The following TBK1 variants were observed in gnomAD, a reference collection of about 807,000 sequenced individuals.
TBK1 encodes the protein TANK binding kinase 1, also known as serine/threonine-protein kinase TBK1.
Under a neutral mutation model 99.9 loss-of-function variants are expected in TBK1, and 37 were observed. That is an observed-to-expected ratio of 0.37 (90% confidence interval 0.28 to 0.49). The LOEUF (loss-of-function observed/expected upper bound fraction) is 0.49. Among genes scored for constraint, TBK1 ranks in the 20% least tolerant of loss-of-function variants. The pLI, the probability that TBK1 is intolerant of heterozygous loss-of-function variation, is 0.98. For missense variants in TBK1, 644 were observed against 872.5 expected, an observed-to-expected ratio of 0.74 and a Z score of 3.30; for synonymous variants, 258 against 279.8, an observed-to-expected ratio of 0.92 and a Z score of 0.78.
At chr12:64,465,250 A>AAAAAC (rs2040590534) in intron 4 of TBK1, among the ~76,000 whole-genome samples, 1 of 150,664 alleles carries the variant, frequency 6.6e-6, no homozygotes, top group African/African-American at 2.4e-5. Context: ...CTCAAAAAAA[A>AAAAAC]AAAAAAAAAA....
intron 5 of TBK1, among the ~76,000 whole-genome samples, chr12:64,473,600 T>G (rs2040682171): frequency 6.6e-6 from 1 of 152,098 alleles, no homozygotes; most frequent in South Asian, 2.1e-4. Context: ...ATAGGTGCAG[T>G]TCCATTGTGA....
intron 3 of TBK1, among the ~76,000 whole-genome samples, chr12:64,461,246 T>G (rs2040545949): frequency 1.3e-5 from 2 of 152,002 alleles, no homozygotes; most frequent in African/African-American, 4.8e-5. Flanking sequence ...ATTTCATGAA[T>G]AAAAATTTCA....
chr12:64,500,124 G>GT (rs1488489434), intron 20 of TBK1, among the ~76,000 whole-genome samples: 1 of 152,086 alleles, frequency 6.6e-6, no homozygotes, highest in African/African-American at 2.4e-5. Flanking sequence ...CAATATATAG[G>GT]TGATATAACA....
chr12:64,488,386 G>A (rs1328244584), intron 11 of TBK1, 101 bp from the exon 12 acceptor site: 2 of 587,508 alleles, frequency 3.4e-6, no homozygotes, highest in East Asian at 6.6e-5. Flanking sequence ...CATGAATATT[G>A]TTATAAAATG....
chr12:64,456,077 T>C (rs1257060633), intron 2 of TBK1, 120 bp downstream of exon 2: 1 of 763,780 alleles, frequency 1.3e-6, no homozygotes, highest in South Asian at 1.9e-5. Context: ...AGAAATTGTT[T>C]TAATGATTTT....
In TBK1 at chr12:64,484,330, T is replaced by G; in HGVS notation, c.1020T>G (p.Tyr340Ter). 6.2e-7 allele frequency: 1 copy of G among 1,613,234 alleles called. No individual in the cohort carries two copies. The highest frequency in any genetic ancestry group is 2.2e-5 in the East Asian group (1 of 44,864). The change falls in exon 9 of 21, where the codon TAT (tyrosine) becomes TAG (stop). Residue 340 changes from tyrosine to a stop codon, truncating the protein, a stop_gained. Coordinates refer to ENST00000331710, the MANE Select transcript of TBK1 (RefSeq NM_013254.4). LOFTEE classifies it high-confidence loss of function. ...NTATIFHELVYKQTKIISSNQ... is the reference protein window; with the variant it reads ...NTATIFHELV Reference sequence around the variant, plus strand: ...CTACTATATTTCATGAACTGGTATATAAACAAACCAAAATTATTTCTTCAA... The same window carrying G: ...CTACTATATTTCATGAACTGGTATAGAAACAAACCAAAATTATTTCTTCAA...
At chr12:64,489,068 TTGGTAAGAAG>T (rs554334609) in intron 12 of TBK1, among the ~76,000 whole-genome samples, 11 of 152,332 alleles carry the variant, frequency 7.2e-5, no homozygotes, top group African/African-American at 2.2e-4. Flanking sequence ...GCCAGTTTTC[TTGGTAAGAAG>T]TGAACACCAT....
intron 5 of TBK1, among the ~76,000 whole-genome samples, chr12:64,473,237 C>T (rs1361075936): frequency 6.6e-6 from 1 of 152,134 alleles, no homozygotes; most frequent in Non-Finnish European, 1.5e-5. Context: ...ATCTGAAGCT[C>T]AGGGCCCAAG....
chr12:64,460,140 C>G (rs888871061), intron 2 of TBK1, 49 bp from the exon 3 acceptor site: 1 of 1,287,790 alleles, frequency 7.8e-7, no homozygotes, highest in African/African-American at 1.5e-5. Context: ...CTTTTAATCT[C>G]TTTTACAATA....
chr12:64,478,196 G>A (rs755139130), intron 6 of TBK1, among the ~76,000 whole-genome samples: 6 of 152,124 alleles, frequency 3.9e-5, no homozygotes, highest in Admixed American at 1.3e-4. Context: ...TGTTGCCCAT[G>A]CAGGAGTGCG....
chr12:64,476,881 A>T (rs1565817922), intron 6 of TBK1, among the ~76,000 whole-genome samples: 1 of 152,138 alleles, frequency 6.6e-6, no homozygotes, highest in African/African-American at 2.4e-5. Context: ...TTTATTCTGC[A>T]TATGGTTAGC....
intron 4 of TBK1, among the ~76,000 whole-genome samples, chr12:64,465,839 T>G (rs1199512947): frequency 6.6e-6 from 1 of 152,182 alleles, no homozygotes; most frequent in African/African-American, 2.4e-5. Flanking sequence ...AAATCAGTGG[T>G]GATGGTTGTA....
At chr12:64,460,683 A>T (rs534455719) in intron 3 of TBK1, among the ~76,000 whole-genome samples, 1 of 151,618 alleles carries the variant, frequency 6.6e-6, no homozygotes, top group African/African-American at 2.4e-5. Context: ...AAAATACAAA[A>T]ATTAGCTTGG....
At chr12:64,467,665 A>C (rs756190262) in intron 5 of TBK1, among the ~76,000 whole-genome samples, 46 of 152,324 alleles carry the variant, frequency 3.0e-4, no homozygotes, top group Admixed American at 2.6e-4. Flanking sequence ...TAATATATAT[A>C]GCTCACTGAT....
At position 64,484,378 on chromosome 12, in the gene TBK1, G is replaced by A. The variant is rs2040797811; in HGVS notation, c.1068G>A (p.Gly356=). 1 of 1,613,848 alleles carries A rather than the reference G, an allele frequency of 6.2e-7. No individual in the cohort carries two copies. The highest frequency in any genetic ancestry group is 1.7e-5 in the Admixed American group (1 of 59,960). ...CAAATCAAGAACTTATCTACGAAGG[G>A]CGACGCTTAGTCTTAGAACCTGGAA... ...ISSNQELIYE[G]RRLVLEPGRL... Residue 356 remains glycine (G), a synonymous_variant, in exon 9 of 21, where the codon GGG becomes GGA. Coordinates refer to ENST00000331710, the MANE Select transcript of TBK1 (RefSeq NM_013254.4).
chr12:64,464,419 A>G lies in TBK1; in HGVS notation c.314A>G (p.Tyr105Cys), dbSNP rs1366668789. 17 of 1,603,306 alleles carry G rather than the reference A, an allele frequency of 1.1e-5. No homozygotes were observed. Among genetic ancestry groups the G allele is most frequent in the African/African-American group, 4.0e-5 (3 of 74,652 alleles). Residue 105 changes from tyrosine (Y) to cysteine (C), a missense_variant, in exon 4 of 21, where the codon TAT becomes TGT. Physicochemically the swap from Tyr to Cys is radical, Grantham distance 194 (BLOSUM62 -2). This residue lies in a region of TBK1 where 148 missense variants were observed against 202.1 expected (regional missense o/e 0.73). Coordinates refer to ENST00000331710, the MANE Select transcript of TBK1 (RefSeq NM_013254.4). ...GTTTTAGAAGAACCTTCTAATGCCT[A>G]TGGACTACCAGAATCTGAATTCTTA... ...YTVLEEPSNA[Y>C]GLPESEFLIV...
chr12:64,484,177 G>A lies in TBK1; in HGVS notation c.993-126G>A, dbSNP rs189445669. On this transcript the variant is annotated intron_variant, in intron 8 of 20. Coordinates refer to ENST00000331710, the MANE Select transcript of TBK1 (RefSeq NM_013254.4). ...TGTAGTATCCACATTAACAAAGCAA[G>A]TTTATATGGACTGGTTATGATATTA... The A allele has an allele frequency of 6.2e-6, 4 of 643,998 alleles. No homozygotes were observed. In the Admixed American group the frequency reaches 9.1e-5, roughly 15 times the overall value. 39.9% of individuals were successfully genotyped at this position (643,998 alleles called of 1,614,324 possible). A position where few individuals can be genotyped will look rare whatever the true frequency, so the allele number is the denominator to read the frequency against.
At chr12:64,495,931 A>T in intron 15 of TBK1, 156 bp downstream of exon 15, 4 of 578,494 alleles carry the variant, frequency 6.9e-6, no homozygotes, top group East Asian at 3.3e-5. Context: ...TGTGTTAAAA[A>T]AAAAAAAAAA....
At chr12:64,458,863 A>G (rs1308784857) in intron 2 of TBK1, among the ~76,000 whole-genome samples, 1 of 152,188 alleles carries the variant, frequency 6.6e-6, no homozygotes. Context: ...GTGAAACTGA[A>G]CTGTACTTAA....
Sources: gnomAD v4.1 joint callset for allele counts (sites outside exome capture counted in the v4.1 genomes callset) on GRCh38, gnomAD v4.1.1 for gene constraint, gnomAD v4.1.1 regional missense constraint, MANE v1.5 for transcripts, NCBI Gene and HGNC (gene_info 2026-07-23, HGNC 2026-07-21) for gene names.